Variants in PCDHGB3 observed in about 807,000 individuals in gnomAD.
The protein encoded by PCDHGB3 is protocadherin gamma-B3.
In PCDHGB3, 40 loss-of-function variants were observed where a neutral mutation model predicts 59.2. The ratio of observed to expected loss-of-function variants is 0.68; its 90% CI spans 0.52 to 0.88. The LOEUF (loss-of-function observed/expected upper bound fraction) is 0.88, where lower values mean the gene tolerates loss of function less well. Among genes scored for constraint, PCDHGB3 ranks in the 40% least tolerant of loss-of-function variants. PCDHGB3 has a pLI of 0.00. For missense variants in PCDHGB3, 1,309 were observed against 1,187.9 expected (o/e 1.10, Z -1.50); for synonymous variants, 581 against 503.6 (o/e 1.15, Z -2.06).
At chr5:141,383,932 C>G in intron 1 of PCDHGB3, 3 of 1,613,794 alleles carry the variant, frequency 1.9e-6, no homozygotes, top group Non-Finnish European at 2.5e-6. Flanking sequence ...TGATAATGCT[C>G]CAGAAGTGAC....
At chr5:141,398,565 A>G (rs2150749377) in intron 1 of PCDHGB3, 2 of 1,614,040 alleles carry the variant, frequency 1.2e-6, no homozygotes, top group South Asian at 1.1e-5. Context: ...GTGAGTCTGC[A>G]CAGCCTGGCA....
At chr5:141,498,971 G>A (rs866066098) in intron 2 of PCDHGB3, among the ~76,000 whole-genome samples, 16 of 111,052 alleles carry the variant, frequency 1.4e-4, no homozygotes, top group African/African-American at 2.5e-4. Context: ...GAGGGAGGGA[G>A]GGAAGGAAGG....
In PCDHGB3 at chr5:141,476,737, G is replaced by A. The variant is rs1420138912; in HGVS notation, c.2416-18070G>A. ...AGCGCGCCCTGGACCGAGAACGGGA[G>A]CCTAGTCTCCAGTTAGTGCTGACGG... is the stretch of plus-strand genomic sequence containing the variant. On this transcript the variant is annotated intron_variant, in intron 1 of 3. Coordinates refer to ENST00000576222, the MANE Select transcript of PCDHGB3 (RefSeq NM_018924.5). This position sits in a 1 kb window ranked among gnomAD's most constrained non-coding sequence, Gnocchi z 7.6. The A allele has an allele frequency of 3.1e-6, 5 of 1,613,982 alleles. No individual in the cohort carries two copies. Among genetic ancestry groups the A allele is most frequent in the Non-Finnish European group, 4.2e-6 (5 of 1,180,038 alleles).
intron 1 of PCDHGB3, chr5:141,403,495 C>A: frequency 6.2e-7 from 1 of 1,614,014 alleles, no homozygotes; most frequent in Non-Finnish European, 8.5e-7. Context: ...TCTCCCTGAA[C>A]GTGCAGACTG....
chr5:141,393,984 C>T (rs1176875822), intron 1 of PCDHGB3: 1 of 1,613,570 alleles, frequency 6.2e-7, no homozygotes, highest in Non-Finnish European at 8.5e-7. Flanking sequence ...TGATAATTTA[C>T]CTTTTAAATT....
At chr5:141,421,473 C>G (rs907282414) in intron 1 of PCDHGB3, 14 of 1,614,112 alleles carry the variant, frequency 8.7e-6, no homozygotes, top group African/African-American at 1.3e-5. Flanking sequence ...ATCCGCGAAG[C>G]GGCAGCTTGA....
At chr5:141,499,625 C>A (rs1238895570) in intron 2 of PCDHGB3, among the ~76,000 whole-genome samples, 1 of 149,832 alleles carries the variant, frequency 6.7e-6, no homozygotes, top group East Asian at 2.0e-4. Flanking sequence ...TCCTTGGATT[C>A]TTTTGAAGCA....
intron 1 of PCDHGB3, chr5:141,484,904 C>A: frequency 2.5e-6 from 1 of 405,682 alleles, no homozygotes; most frequent in Non-Finnish European, 4.4e-6. Context: ...TCCAATGCTG[C>A]GACGCATTAA....
At chr5:141,501,238 G>A (rs1482962385) in intron 2 of PCDHGB3, among the ~76,000 whole-genome samples, 2 of 151,018 alleles carry the variant, frequency 1.3e-5, no homozygotes, top group African/African-American at 4.9e-5. Flanking sequence ...AGTTTTTTGA[G>A]CATGATGTAG....
chr5:141,476,187 G>T lies in PCDHGB3; in HGVS notation c.2416-18620G>T. 1 of 1,613,782 alleles carries T rather than the reference G, an allele frequency of 6.2e-7. No individual in the cohort carries two copies. The highest frequency in any genetic ancestry group is 8.5e-7 in the Non-Finnish European group (1 of 1,180,028). ...GTAGTGGGAGTTTTGCTTCTGCTTG[G>T]TGCCTTGAACAAGGCTTCCACGGTC... On this transcript the variant is annotated intron_variant, in intron 1 of 3. Transcript: ENST00000576222. This position sits in a 1 kb window ranked among gnomAD's most constrained non-coding sequence, Gnocchi z 7.6.
At position 141,477,492 on chromosome 5, in the gene PCDHGB3, A is replaced by T; in HGVS notation, c.2416-17315A>T. ...AATGACAACCCTCCACAATCTTCTC[A>T]ATCTTCCTACGACGTTTACATTGAA... On this transcript the variant is annotated intron_variant, in intron 1 of 3. Coordinates refer to ENST00000576222, the MANE Select transcript of PCDHGB3 (RefSeq NM_018924.5). The surrounding 1 kb of genome is among the most constrained non-coding windows in gnomAD (Gnocchi z 4.9). The T allele has an allele frequency of 6.2e-7, 1 of 1,613,980 alleles. No individual in the cohort carries two copies. The highest frequency in any genetic ancestry group is 8.5e-7 in the Non-Finnish European group (1 of 1,179,958).
In PCDHGB3 at chr5:141,486,836, G is replaced by C; in HGVS notation, c.2416-7971G>C. On this transcript the variant is annotated intron_variant, in intron 1 of 3. Coordinates refer to ENST00000576222, the MANE Select transcript of PCDHGB3 (RefSeq NM_018924.5). This position sits in a 1 kb window ranked among gnomAD's most constrained non-coding sequence, Gnocchi z 5.0. ...CAGCACTGTAACAGTTCGTCTATTT[G>C]TGCTGGACCTCAATGACAATGCTCC... 1 of 1,614,242 alleles carries C rather than the reference G, an allele frequency of 6.2e-7. No individual in the cohort carries two copies. The highest frequency in any genetic ancestry group is 8.5e-7 in the Non-Finnish European group (1 of 1,180,046).
At chr5:141,419,452 G>T (rs1590172506) in intron 1 of PCDHGB3, 1 of 1,612,754 alleles carries the variant, frequency 6.2e-7, no homozygotes, top group Non-Finnish European at 8.5e-7. Flanking sequence ...TCGAGCTCAC[G>T]CTGCAGGCCC....
rs1176011355 is a variant in PCDHGB3, at chr5:141,485,491, G to C, written c.2416-9316G>C. Reference sequence around the variant, plus strand: ...TCAGTGCCAGCTGCATCGTGCCCCTGGAGTTTGTCACCGAAGGTCCTTTGG... The same window carrying C: ...TCAGTGCCAGCTGCATCGTGCCCCTCGAGTTTGTCACCGAAGGTCCTTTGG... On this transcript the variant is annotated intron_variant, in intron 1 of 3. Coordinates refer to ENST00000576222, the MANE Select transcript of PCDHGB3 (RefSeq NM_018924.5). This position sits in a 1 kb window ranked among gnomAD's most constrained non-coding sequence, Gnocchi z 5.7. 6.2e-7 allele frequency: 1 copy of C among 1,614,142 alleles called. No homozygotes were observed. The highest frequency in any genetic ancestry group is 1.3e-5 in the African/African-American group (1 of 75,018).
intron 1 of PCDHGB3, among the ~76,000 whole-genome samples, chr5:141,448,434 G>A (rs2098588755): frequency 1.3e-5 from 2 of 152,052 alleles, no homozygotes; most frequent in Non-Finnish European, 2.9e-5. Context: ...TATATATTGA[G>A]AAGTCTGACT....
intron 1 of PCDHGB3, chr5:141,415,268 T>C: frequency 6.2e-7 from 1 of 1,614,174 alleles, no homozygotes; most frequent in Non-Finnish European, 8.5e-7. Flanking sequence ...CTGTACCTGG[T>C]GGTAGCGGTG....
intron 1 of PCDHGB3, chr5:141,405,162 C>T: frequency 6.2e-7 from 1 of 1,614,098 alleles, no homozygotes; most frequent in Non-Finnish European, 8.5e-7. Flanking sequence ...GGTGTGCCCA[C>T]CTCACACTTT....
intron 1 of PCDHGB3, among the ~76,000 whole-genome samples, chr5:141,442,926 T>C (rs2098353621): frequency 6.6e-6 from 1 of 152,240 alleles, no homozygotes; most frequent in African/African-American, 2.4e-5. Flanking sequence ...TGTTTCATTT[T>C]CTATTTAAGA....
chr5:141,494,903 G>A (rs760748707), intron 2 of PCDHGB3, 38 bp downstream of exon 2: 39 of 1,613,894 alleles, frequency 2.4e-5, no homozygotes, highest in Non-Finnish European at 3.1e-5. Context: ...TCTTCTCTGC[G>A]GCATTTTCTC....
Sources: gnomAD v4.1 joint callset for allele counts (sites outside exome capture counted in the v4.1 genomes callset) on GRCh38, gnomAD v4.1.1 for gene constraint, Gnocchi (gnomAD v3.1) non-coding constraint, MANE v1.5 for transcripts, NCBI Gene and HGNC (gene_info 2026-07-23, HGNC 2026-07-21) for gene names.